RDX: variants seen among roughly 807,000 people sequenced by gnomAD.
RDX encodes deafness, autosomal recessive 24.
Under a neutral mutation model 83.7 loss-of-function variants are expected in RDX, and 32 were observed. The observed-to-expected ratio is 0.38, with a 90% CI of 0.29 to 0.51. The LOEUF (loss-of-function observed/expected upper bound fraction) is 0.51. RDX is among the 20% of genes least tolerant of loss of function. RDX has a pLI of 0.87. For synonymous variants in RDX, 229 were observed against 222.7 expected (o/e 1.03, Z -0.25); for missense variants, 600 against 689.9 (o/e 0.87, Z 1.46).
chr11:110,270,543 A>C (rs887735938), intron 3 of RDX, among the ~76,000 whole-genome samples: 2 of 152,222 alleles, frequency 1.3e-5, no homozygotes, highest in African/African-American at 2.4e-5. Context: ...TGTTCTACGC[A>C]CTTTACATAG....
At chr11:110,294,203 T>C (rs184687813) in intron 1 of RDX, among the ~76,000 whole-genome samples, 498 of 152,376 alleles carry the variant, frequency 3.3e-3, no homozygotes, top group African/African-American at 0.012. Context: ...CAGACCAGCC[T>C]GGCCAACATG....
Position 110,203,627 on chromosome 11 carries a change from C to T in RDX, c.1749-3949G>A, listed in dbSNP as rs113020217. Among the ~76,000 whole-genome samples, 133 of 151,996 alleles carry T rather than the reference C, an allele frequency of 8.8e-4. 1 individual carries two copies. Among genetic ancestry groups the T allele is most frequent in the African/African-American group, 3.1e-3 (129 of 41,488 alleles). On this transcript the variant is annotated intron_variant, in intron 14 of 15. Transcript: ENST00000528498. Reference sequence around the variant, plus strand: ...ACATTGCATGCTTGTATCAAAATATCTCATGTCCCCCATAAATATATACTT... The same window carrying T: ...ACATTGCATGCTTGTATCAAAATATTTCATGTCCCCCATAAATATATACTT...
At chr11:110,246,610 A>G (rs67501132) in intron 10 of RDX, among the ~76,000 whole-genome samples, 43,379 of 151,894 alleles carry the variant, frequency 0.29, 6,424 homozygotes, top group East Asian at 0.53. Flanking sequence ...CCCTCTCTCT[A>G]CTAAAAATAC....
chr11:110,199,117 A>G (rs1037946211), intron 15 of RDX, among the ~76,000 whole-genome samples: 1 of 152,114 alleles, frequency 6.6e-6, no homozygotes, highest in South Asian at 2.1e-4. Flanking sequence ...ACCAGGCCTG[A>G]ATATGGATTT....
intron 5 of RDX, among the ~76,000 whole-genome samples, chr11:110,262,537 G>A (rs978400547): frequency 1.3e-5 from 2 of 151,426 alleles, no homozygotes; most frequent in Admixed American, 6.6e-5. Flanking sequence ...GCAGTGAGCC[G>A]AGATCGTGCC....
chr11:110,176,494 C>T (rs917233541), intron 15 of RDX, among the ~76,000 whole-genome samples: 2 of 152,112 alleles, frequency 1.3e-5, no homozygotes, highest in African/African-American at 4.8e-5. Flanking sequence ...GCCTCCTGCT[C>T]CCCCCAGCCA....
intron 12 of RDX, 28 bp downstream of exon 12, chr11:110,236,071 A>G: frequency 1.4e-6 from 2 of 1,479,906 alleles, no homozygotes; most frequent in Non-Finnish European, 1.9e-6. Context: ...GCTATTCAAT[A>G]AAAGCTAGTA....
At chr11:110,227,686 T>A (rs2134287984), downstream of RDX, among the ~76,000 whole-genome samples, 1 of 152,216 alleles carries the variant, frequency 6.6e-6, no homozygotes, top group Non-Finnish European at 1.5e-5. Context: ...AGGGTCACAA[T>A]CATCCTAATC....
intron 10 of RDX, among the ~76,000 whole-genome samples, chr11:110,241,939 T>C (rs1346528775): frequency 6.6e-6 from 1 of 151,848 alleles, no homozygotes; most frequent in Non-Finnish European, 1.5e-5. Flanking sequence ...AAAAGACAAA[T>C]ACTGTATGAT....
At chr11:110,198,956 C>T (rs1006432214) in intron 15 of RDX, among the ~76,000 whole-genome samples, 1 of 152,012 alleles carries the variant, frequency 6.6e-6, no homozygotes, top group African/African-American at 2.4e-5. Context: ...GCTGGGACTA[C>T]AGGCATGCAC....
At chr11:110,252,955 T>C (rs989364949) in intron 9 of RDX, among the ~76,000 whole-genome samples, 9 of 152,190 alleles carry the variant, frequency 5.9e-5, no homozygotes, top group African/African-American at 1.4e-4. Flanking sequence ...TCTTTAATGA[T>C]GGGATTAGTA....
intron 1 of RDX, among the ~76,000 whole-genome samples, chr11:110,281,737 TA>T (rs1360165551): frequency 1.3e-5 from 2 of 152,106 alleles, no homozygotes; most frequent in East Asian, 3.8e-4. Flanking sequence ...GTCCAATTTT[TA>T]AATTCTATAC....
intron 15 of RDX, among the ~76,000 whole-genome samples, chr11:110,188,176 C>T (rs1188238178): frequency 1.3e-5 from 2 of 151,968 alleles, no homozygotes; most frequent in Non-Finnish European, 2.9e-5. Flanking sequence ...CCCTTGTGAT[C>T]CCAGCTACTC....
At chr11:110,284,794 A>G (rs1231497535) in intron 1 of RDX, among the ~76,000 whole-genome samples, 1 of 152,070 alleles carries the variant, frequency 6.6e-6, no homozygotes, top group Non-Finnish European at 1.5e-5. Context: ...AAGTTCTGGG[A>G]TTACAGGCGT....
chr11:110,215,346 G>A (rs561640041), intron 14 of RDX, among the ~76,000 whole-genome samples: 2 of 149,440 alleles, frequency 1.3e-5, no homozygotes, highest in East Asian at 1.9e-4. Context: ...CTGGGCAACA[G>A]AGCGAGACTC....
At chr11:110,232,058 CTAT>C in intron 13 of RDX, 25 bp from the exon 14 acceptor site, 1 of 1,569,818 alleles carries the variant, frequency 6.4e-7, no homozygotes, top group Non-Finnish European at 8.7e-7. Flanking sequence ...AAAAGTACAA[CTAT>C]TATTTTTTTC....
At chr11:110,271,636 TTCCAAGCACTGTC>T (rs1163607878) in intron 3 of RDX, among the ~76,000 whole-genome samples, 2 of 152,106 alleles carry the variant, frequency 1.3e-5, no homozygotes, top group East Asian at 3.9e-4. Context: ...TGGAAGGGGT[TTCCAAGCACTGTC>T]TCCTTTCCCT....
intron 14 of RDX, among the ~76,000 whole-genome samples, chr11:110,219,438 C>G (rs1591520528): frequency 2.0e-5 from 3 of 152,342 alleles, no homozygotes; most frequent in Admixed American, 2.0e-4. Flanking sequence ...CATGGTCTGA[C>G]TTACCTGTTG....
intron 15 of RDX, chr11:110,185,693 TA>T (rs1403290953): frequency 6.6e-6 from 1 of 152,358 alleles, no homozygotes; most frequent in East Asian, 1.9e-4. Context: ...TTGATAAAGC[TA>T]GCACTAGAGA....
Sources: allele counts gnomAD v4.1 joint callset (sites outside exome capture counted in the v4.1 genomes callset), GRCh38; gene constraint gnomAD v4.1.1; transcripts MANE v1.5; gene names NCBI Gene and HGNC (gene_info 2026-07-23, HGNC 2026-07-21).